The following KMT5B variants were observed in gnomAD, a reference collection of about 807,000 sequenced individuals.
The protein encoded by KMT5B is lysine methyltransferase 5B.
KMT5B carries 10 observed loss-of-function variants against 83.2 expected under a neutral mutation model. The ratio of observed to expected loss-of-function variants is 0.12; its 90% CI spans 0.07 to 0.20. KMT5B has a LOEUF of 0.20. Among genes scored for constraint, KMT5B ranks in the 10% least tolerant of loss-of-function variants. The pLI is 1.00. For missense variants in KMT5B, 753 were observed against 1,067.2 expected (o/e 0.71, Z 4.10); for synonymous variants, 349 against 388.8 (o/e 0.90, Z 1.20).
At chr11:68,199,687 G>A (rs538762542) in intron 1 of KMT5B, among the ~76,000 whole-genome samples, 1 of 152,290 alleles carries the variant, frequency 6.6e-6, no homozygotes, top group African/African-American at 2.4e-5. Flanking sequence ...ATAATTTCTA[G>A]GACAAGAGAA....
intron 1 of KMT5B, among the ~76,000 whole-genome samples, chr11:68,205,397 T>C (rs188571453): frequency 3.3e-5 from 5 of 152,354 alleles, no homozygotes; most frequent in Admixed American, 2.0e-4. Context: ...CTGAGTTATA[T>C]AGATTTTGAA....
At chr11:68,159,498 A>T (rs1335374616) in intron 10 of KMT5B, among the ~76,000 whole-genome samples, 2 of 152,204 alleles carry the variant, frequency 1.3e-5, no homozygotes, top group Non-Finnish European at 2.9e-5. Flanking sequence ...CTCCTGATTT[A>T]GTAGTTTCCC....
chr11:68,191,723 T>C (rs1391776887), intron 1 of KMT5B, among the ~76,000 whole-genome samples: 1 of 152,240 alleles, frequency 6.6e-6, no homozygotes, highest in Non-Finnish European at 1.5e-5. Context: ...AAAAAAACTT[T>C]ATAAAGTAAA....
Position 68,171,837 on chromosome 11 carries a change from T to C in KMT5B, c.654-128A>G. ...CCTAGCTGTCTATACTTTAGTTAGC[T>C]CACTGGGATCCCCACCTGGCTATCT... is the stretch of plus-strand genomic sequence containing the variant. On this transcript the variant is annotated intron_variant, in intron 6 of 10. Coordinates refer to ENST00000304363, the MANE Select transcript of KMT5B (RefSeq NM_017635.5). This position sits in a 1 kb window ranked among gnomAD's most constrained non-coding sequence, Gnocchi z 5.1. The C allele has an allele frequency of 2.7e-6, 2 of 742,010 alleles. No individual in the cohort carries two copies. The highest frequency in any genetic ancestry group is 2.9e-5 in the Admixed American group (1 of 34,292). 46.0% of individuals were successfully genotyped at this position (742,010 alleles called of 1,614,324 possible). A position where few individuals can be genotyped will look rare whatever the true frequency, so the allele number is the denominator to read the frequency against.
rs748401601 is a variant in KMT5B at position 68,166,963 on chromosome 11, T to A, written c.1174+19A>T. 1.9e-6 allele frequency: 3 copies of A among 1,611,370 alleles called. No individual in the cohort carries two copies. The highest frequency in any genetic ancestry group is 2.5e-6 in the Non-Finnish European group (3 of 1,178,110). The stretch of plus-strand genomic sequence containing the variant: ...AAAATACTTTTAAAAGATATGCTTA[T>A]CAAATCTCCCTTACTTACTTGCATT... On this transcript the variant is annotated intron_variant, in intron 10 of 10. Coordinates refer to ENST00000304363, the MANE Select transcript of KMT5B (RefSeq NM_017635.5).
Position 68,190,027 on chromosome 11 carries a change from T to C in KMT5B, c.50A>G (p.Asn17Ser). 3 of 1,614,160 alleles carry C rather than the reference T, an allele frequency of 1.9e-6. No homozygotes were observed. The highest frequency in any genetic ancestry group is 2.5e-6 in the Non-Finnish European group (3 of 1,180,010). ...ATGGTCATTAGACAACTTGCCTCCA[T>C]TTCTCCTGCCATTCACCACCATGTT... is the stretch of plus-strand genomic sequence containing the variant. ...SKNMVVNGRR[N>S]GGKLSNDHQQ... is the part of the protein sequence containing the mutation. Residue 17 changes from asparagine (N) to serine (S), a missense_variant, in exon 2 of 11, where the codon AAT (asparagine) becomes AGT (serine). Physicochemically the swap from Asn to Ser is conservative, Grantham distance 46 (BLOSUM62 1). This residue lies in a region of KMT5B where 56 missense variants were observed against 91.4 expected (regional missense o/e 0.61). Coordinates refer to ENST00000304363, the MANE Select transcript of KMT5B (RefSeq NM_017635.5).
At position 68,171,518 on chromosome 11, in the gene KMT5B, C is replaced by G; in HGVS notation, c.820+25G>C. On this transcript the variant is annotated intron_variant, in intron 7 of 10. Transcript: ENST00000304363. This position sits in a 1 kb window ranked among gnomAD's most constrained non-coding sequence, Gnocchi z 5.1. The stretch of plus-strand genomic sequence containing the variant: ...TTAGCAGGAATGGCCAACACTAGCG[C>G]CAACACCTTGGAAACACAGCTTACC... The G allele has an allele frequency of 6.2e-7, 1 of 1,609,788 alleles. No individual in the cohort carries two copies. Among genetic ancestry groups the G allele is most frequent in the African/African-American group, 1.3e-5 (1 of 74,938 alleles).
chr11:68,179,294 C>T (rs1856688733), intron 4 of KMT5B, among the ~76,000 whole-genome samples: 4 of 152,248 alleles, frequency 2.6e-5, no homozygotes, highest in Non-Finnish European at 1.5e-5. Flanking sequence ...ACCAATATGC[C>T]CCGTCCTCCC....
At chr11:68,177,440 T>A (rs992914556) in intron 4 of KMT5B, among the ~76,000 whole-genome samples, 1 of 152,106 alleles carries the variant, frequency 6.6e-6, no homozygotes, top group African/African-American at 2.4e-5. Context: ...GTAGCAATAA[T>A]AAAGTAAAGT....
intron 3 of KMT5B, among the ~76,000 whole-genome samples, chr11:68,181,324 C>T (rs1193790021): frequency 2.6e-5 from 4 of 152,136 alleles, no homozygotes; most frequent in South Asian, 2.1e-4. Flanking sequence ...CCACCCGCCT[C>T]GGCCTCCCAA....
At chr11:68,212,097 T>C (rs973088725) in intron 1 of KMT5B, among the ~76,000 whole-genome samples, 1 of 152,198 alleles carries the variant, frequency 6.6e-6, no homozygotes, top group Non-Finnish European at 1.5e-5. Context: ...TTACTACTAA[T>C]TATCAATATT....
chr11:68,189,779 G>T, intron 2 of KMT5B, 138 bp downstream of exon 2: 1 of 750,722 alleles, frequency 1.3e-6, no homozygotes, highest in Non-Finnish European at 2.1e-6. Flanking sequence ...AACTTTGAGA[G>T]TAAAAAGACT....
intron 4 of KMT5B, chr11:68,179,636 G>A (rs2153060640): frequency 8.1e-7 from 1 of 1,232,936 alleles, no homozygotes; most frequent in Non-Finnish European, 1.0e-6. Flanking sequence ...TGGGGAACAG[G>A]AAGGGGAACA....
At chr11:68,186,425 T>C (rs2153068570) in intron 2 of KMT5B, among the ~76,000 whole-genome samples, 1 of 152,338 alleles carries the variant, frequency 6.6e-6, no homozygotes, top group Non-Finnish European at 1.5e-5. Flanking sequence ...TGAATGATTA[T>C]TATCCCCACT....
intron 1 of KMT5B, among the ~76,000 whole-genome samples, chr11:68,205,133 C>T (rs1310165020): frequency 6.7e-6 from 1 of 149,146 alleles, no homozygotes; most frequent in Non-Finnish European, 1.5e-5. Context: ...AAAGTGAGAC[C>T]CTCATCTCTA....
chr11:68,166,423 T>C (rs1469185992), intron 10 of KMT5B: 3 of 1,014,404 alleles, frequency 3.0e-6, no homozygotes, highest in Non-Finnish European at 3.5e-6. Context: ...CAATACAGCA[T>C]GTCACAATAC....
At chr11:68,207,694 G>C (rs1382626287) in intron 1 of KMT5B, among the ~76,000 whole-genome samples, 1 of 151,210 alleles carries the variant, frequency 6.6e-6, no homozygotes, top group Non-Finnish European at 1.5e-5. Context: ...GGGAGGCTGA[G>C]GCAGGAGAAT....
chr11:68,192,217 G>A (rs563561803), intron 1 of KMT5B, among the ~76,000 whole-genome samples: 12 of 152,252 alleles, frequency 7.9e-5, no homozygotes, highest in South Asian at 4.1e-4. Context: ...ATATCTGCAC[G>A]ATAACAAAAT....
chr11:68,184,977 A>T (rs1365173082), intron 3 of KMT5B, among the ~76,000 whole-genome samples: 2 of 152,228 alleles, frequency 1.3e-5, no homozygotes, highest in Non-Finnish European at 1.5e-5. Context: ...CTGCATACTG[A>T]ATATAAACAT....
Sources: allele counts gnomAD v4.1 joint callset (sites outside exome capture counted in the v4.1 genomes callset), GRCh38; gene constraint gnomAD v4.1.1; regional missense constraint gnomAD v4.1.1; non-coding constraint Gnocchi (gnomAD v3.1); transcripts MANE v1.5; gene names NCBI Gene and HGNC (gene_info 2026-07-23, HGNC 2026-07-21).